Variants in KDM4B observed in about 807,000 individuals in gnomAD.
KDM4B encodes lysine-specific demethylase 4B.
Under a neutral mutation model 125.2 loss-of-function variants are expected in KDM4B, and 32 were observed. The ratio of observed to expected loss-of-function variants is 0.26; its 90% CI spans 0.19 to 0.34. The LOEUF is 0.34. Ranked by LOEUF, KDM4B falls within the 10% of genes least tolerant of loss-of-function variation. The pLI, the probability that KDM4B is intolerant of heterozygous loss-of-function variation, is 1.00. For missense variants in KDM4B, 1,190 were observed against 1,577.7 expected, an observed-to-expected ratio of 0.75 and a Z score of 4.16; for synonymous variants, 721 against 677.9, an observed-to-expected ratio of 1.06 and a Z score of -0.99.
At chr19:4,970,597 C>G (rs941049580) in intron 1 of KDM4B, among the ~76,000 whole-genome samples, 4 of 152,184 alleles carry the variant, frequency 2.6e-5, no homozygotes, top group African/African-American at 9.7e-5. Flanking sequence ...AGTCCTAAAG[C>G]AGGCTCATTA....
chr19:5,003,461 A>G (rs1326171090), intron 1 of KDM4B, among the ~76,000 whole-genome samples: 1 of 151,778 alleles, frequency 6.6e-6, no homozygotes, highest in Non-Finnish European at 1.5e-5. Context: ...AGCCTGGGCA[A>G]CAAGAGCAAG....
Position 5,047,643 on chromosome 19 carries a change from C to T in KDM4B, c.600C>T (p.Tyr200=). 1.9e-6 allele frequency: 3 copies of T among 1,613,926 alleles called. No individual in the cohort carries two copies. ...ACATGGACCTGTACAGCATCAACTA[C>T]CTGCACTTTGGGGAGCCTAAGTCCT... ...TEDMDLYSIN[Y]LHFGEPKSWY... is the part of the protein sequence containing the mutation. The change falls in exon 6 of 23, where the codon TAC becomes TAT. Residue 200 remains tyrosine, a synonymous_variant. Coordinates refer to ENST00000159111, the MANE Select transcript of KDM4B (RefSeq NM_015015.3).
At chr19:4,985,418 A>G (rs1168418517) in intron 1 of KDM4B, among the ~76,000 whole-genome samples, 3 of 152,092 alleles carry the variant, frequency 2.0e-5, no homozygotes, top group East Asian at 1.9e-4. Flanking sequence ...TGCTCCATCC[A>G]TGTGGATGTT....
At chr19:5,143,718 G>A (rs929473154) in intron 18 of KDM4B, among the ~76,000 whole-genome samples, 4 of 152,176 alleles carry the variant, frequency 2.6e-5, no homozygotes, top group Non-Finnish European at 5.9e-5. Flanking sequence ...AGCAGCCAGT[G>A]ACATGCAGGG....
chr19:5,096,846 G>A (rs903068535), intron 9 of KDM4B, among the ~76,000 whole-genome samples: 4 of 152,134 alleles, frequency 2.6e-5, no homozygotes, highest in African/African-American at 7.2e-5. Flanking sequence ...TTGCCGTGGC[G>A]CCTGCCTGGT....
At chr19:5,033,543 G>A (rs1255572875) in intron 3 of KDM4B, among the ~76,000 whole-genome samples, 1 of 151,568 alleles carries the variant, frequency 6.6e-6, no homozygotes, top group Admixed American at 6.6e-5. Context: ...CCGTGCTACT[G>A]CGCTCCTGCC....
Position 5,141,346 on chromosome 19 carries a change from G to A in KDM4B, c.2551-2621G>A, listed in dbSNP as rs1184630262. The A allele has an allele frequency of 1.3e-5, 2 of 152,190 alleles. No individual in the cohort carries two copies. The highest frequency in any genetic ancestry group is 2.9e-5 in the Non-Finnish European group (2 of 68,026). 9.4% of individuals were successfully genotyped at this position (152,190 alleles called of 1,614,324 possible). On this transcript the variant is annotated intron_variant, in intron 18 of 22. Coordinates refer to ENST00000159111, the MANE Select transcript of KDM4B (RefSeq NM_015015.3). The surrounding 1 kb of genome is among the most constrained non-coding windows in gnomAD (Gnocchi z 6.4). ...CCAGTGACTCAGTCCACAAACGTGGGCGTAAAAGGCCTCATGATTCAGGTG... is the reference window on the plus strand; with the variant it reads ...CCAGTGACTCAGTCCACAAACGTGGACGTAAAAGGCCTCATGATTCAGGTG...
intron 11 of KDM4B, among the ~76,000 whole-genome samples, chr19:5,125,345 A>G (rs1443021887): frequency 6.6e-6 from 1 of 152,118 alleles, no homozygotes; most frequent in East Asian, 1.9e-4. Context: ...GTCCTGAACC[A>G]GGGGGTCCTG....
intron 21 of KDM4B, among the ~76,000 whole-genome samples, chr19:5,146,042 G>C (rs981693624): frequency 3.3e-5 from 5 of 151,796 alleles, no homozygotes; most frequent in Non-Finnish European, 7.4e-5. Context: ...CCTACCCCCC[G>C]CCGTGCAGGC....
intron 2 of KDM4B, among the ~76,000 whole-genome samples, chr19:5,026,362 G>A (rs2036277789): frequency 6.6e-6 from 1 of 152,206 alleles, no homozygotes; most frequent in South Asian, 2.1e-4. Context: ...CTGTTGCCTG[G>A]GCTGGAGTGT....
At chr19:5,024,131 TC>T (rs1335591123) in intron 2 of KDM4B, among the ~76,000 whole-genome samples, 4 of 152,144 alleles carry the variant, frequency 2.6e-5, no homozygotes, top group Non-Finnish European at 5.9e-5. Flanking sequence ...TTCTTGGGTG[TC>T]CCTTGCGCCC....
chr19:5,003,967 G>A (rs915803259), intron 1 of KDM4B, among the ~76,000 whole-genome samples: 1 of 152,202 alleles, frequency 6.6e-6, no homozygotes, highest in African/African-American at 2.4e-5. Context: ...AGCCGCTTGA[G>A]AATGCTGTCT....
chr19:5,109,658 C>T (rs569493032), intron 9 of KDM4B, among the ~76,000 whole-genome samples: 19 of 152,294 alleles, frequency 1.2e-4, no homozygotes, highest in African/African-American at 3.4e-4. Context: ...CTTTCTTAGC[C>T]GCTGAGTCCC....
At chr19:5,047,767 AC>A in intron 6 of KDM4B, 98 bp downstream of exon 6, 3 of 1,222,648 alleles carry the variant, frequency 2.5e-6, no homozygotes, top group African/African-American at 1.5e-5. Context: ...CAGGGGCCCC[AC>A]CAGGTGAGGC....
intron 6 of KDM4B, among the ~76,000 whole-genome samples, chr19:5,054,842 C>T (rs2037346764): frequency 1.3e-5 from 2 of 152,240 alleles, no homozygotes; most frequent in East Asian, 3.9e-4. Context: ...CAGCCCTCAT[C>T]ATCGAGCCCT....
At position 4,994,400 on chromosome 19, in the gene KDM4B, T is replaced by C. The variant is rs7255804; in HGVS notation, c.-108-21857T>C. Among the ~76,000 whole-genome samples the C allele has an allele frequency of 4.2e-3, 644 of 151,884 alleles. 7 individuals are homozygous for C. The highest frequency in any genetic ancestry group is 0.015 in the African/African-American group (612 of 41,462). ...CAGGCTGACCAACATGGAGAAACCTTGTCTCTACTAAAAATACACATGCGT... is the reference window on the plus strand; with the variant it reads ...CAGGCTGACCAACATGGAGAAACCTCGTCTCTACTAAAAATACACATGCGT... On this transcript the variant is annotated intron_variant, in intron 1 of 22. Coordinates refer to ENST00000159111, the MANE Select transcript of KDM4B (RefSeq NM_015015.3).
intron 2 of KDM4B, among the ~76,000 whole-genome samples, chr19:5,030,475 C>G (rs1217183448): frequency 6.6e-6 from 1 of 152,172 alleles, no homozygotes; most frequent in Non-Finnish European, 1.5e-5. Context: ...GGGGGGTGGG[C>G]CAGCCCCTCA....
At chr19:5,015,404 A>G (rs1335290954) in intron 1 of KDM4B, among the ~76,000 whole-genome samples, 1 of 152,116 alleles carries the variant, frequency 6.6e-6, no homozygotes, top group Non-Finnish European at 1.5e-5. Context: ...GGTGCACATC[A>G]CCACGCCCGG....
chr19:5,006,328 C>T (rs1362742866), intron 1 of KDM4B, among the ~76,000 whole-genome samples: 4 of 152,156 alleles, frequency 2.6e-5, no homozygotes, highest in Admixed American at 2.6e-4. Flanking sequence ...TCCCCGCAGC[C>T]CACGGCCATT....
Sources: allele counts gnomAD v4.1 joint callset (sites outside exome capture counted in the v4.1 genomes callset), GRCh38; gene constraint gnomAD v4.1.1; non-coding constraint Gnocchi (gnomAD v3.1); transcripts MANE v1.5; gene names NCBI Gene and HGNC (gene_info 2026-07-23, HGNC 2026-07-21).